Variants in HEPHL1 observed in about 807,000 individuals in gnomAD.
HEPHL1 encodes the protein ferroxidase HEPHL1.
A neutral mutation model predicts 122.0 loss-of-function variants in HEPHL1; 123 were observed. The ratio of observed to expected loss-of-function variants is 1.01; its 90% confidence interval spans 0.87 to 1.17. The LOEUF (loss-of-function observed/expected upper bound fraction) is 1.17. HEPHL1 is among the 50% of genes most tolerant of loss of function. The pLI, the probability that HEPHL1 is intolerant of heterozygous loss-of-function variation, is 0.00. For synonymous variants in HEPHL1, 527 were observed against 508.9 expected (o/e 1.04, Z -0.48); for missense variants, 1,452 against 1,430.5 (o/e 1.01, Z -0.24).
At chr11:94,066,756 C>G (rs1407226147) in intron 4 of HEPHL1, among the ~76,000 whole-genome samples, 1 of 152,266 alleles carries the variant, frequency 6.6e-6, no homozygotes, top group East Asian at 1.9e-4. Context: ...GCTTTTAACT[C>G]AGTTCGAACT....
intron 2 of HEPHL1, among the ~76,000 whole-genome samples, chr11:94,060,386 A>G (rs1407452587): frequency 6.6e-6 from 1 of 151,966 alleles, no homozygotes; most frequent in Non-Finnish European, 1.5e-5. Flanking sequence ...ATATACACAC[A>G]TATAATTAAA....
chr11:94,049,129 C>CA (rs35825154), intron 2 of HEPHL1, among the ~76,000 whole-genome samples: 12 of 151,380 alleles, frequency 7.9e-5, no homozygotes, highest in African/African-American at 2.9e-4. Flanking sequence ...TCAAAAGAAA[C>CA]AAAAAAAAAC....
rs1309925404 is a variant in HEPHL1 at position 94,111,960 on chromosome 11, G to C, written c.*66G>C. ...AGCTGGCCAGATGGCAGCCAACAGGGAAACTGGACCAAGGCATCACTCACC... is the reference window on the plus strand; with the variant it reads ...AGCTGGCCAGATGGCAGCCAACAGGCAAACTGGACCAAGGCATCACTCACC... On this transcript the variant is annotated 3_prime_UTR_variant, in exon 20 of 20. Transcript: ENST00000315765. 8.3e-7 allele frequency: 1 copy of C among 1,202,470 alleles called. No homozygotes were observed. The highest frequency in any genetic ancestry group is 1.5e-5 in the African/African-American group (1 of 65,596). 74.5% of individuals were successfully genotyped at this position (1,202,470 alleles called of 1,614,324 possible).
At chr11:94,052,945 G>A (rs528976114) in intron 2 of HEPHL1, among the ~76,000 whole-genome samples, 2 of 152,130 alleles carry the variant, frequency 1.3e-5, no homozygotes, top group East Asian at 1.9e-4. Flanking sequence ...TTCTTGTGAT[G>A]TTTGTATCTG....
chr11:94,037,876 T>C (rs1184327077), intron 1 of HEPHL1, among the ~76,000 whole-genome samples: 1 of 151,898 alleles, frequency 6.6e-6, no homozygotes, highest in Non-Finnish European at 1.5e-5. Context: ...TGGAGAATGA[T>C]TTTGCCGAGC....
chr11:94,109,317 C>A (rs975732343), intron 17 of HEPHL1, among the ~76,000 whole-genome samples: 14 of 152,212 alleles, frequency 9.2e-5, no homozygotes, highest in Middle Eastern at 3.4e-3. Flanking sequence ...GACATGGCTT[C>A]ATTTATTTTC....
At chr11:94,080,982 A>G (rs1403712674) in intron 9 of HEPHL1, among the ~76,000 whole-genome samples, 4 of 152,252 alleles carry the variant, frequency 2.6e-5, no homozygotes, top group Non-Finnish European at 4.4e-5. Flanking sequence ...TCACAAAGAT[A>G]CATGCATGTA....
intron 17 of HEPHL1, among the ~76,000 whole-genome samples, chr11:94,110,121 T>C (rs1946436954): frequency 6.6e-6 from 1 of 152,238 alleles, no homozygotes; most frequent in African/African-American, 2.4e-5. Flanking sequence ...GAGGTGTTTG[T>C]CCAGTATTTC....
chr11:94,108,801 A>G (rs748425645), intron 17 of HEPHL1, among the ~76,000 whole-genome samples: 8 of 152,084 alleles, frequency 5.3e-5, no homozygotes, highest in Admixed American at 1.3e-4. Flanking sequence ...TTACTTTAGT[A>G]TTATAGTAAG....
chr11:94,105,538 C>T (rs1418479766), intron 16 of HEPHL1, among the ~76,000 whole-genome samples: 1 of 151,094 alleles, frequency 6.6e-6, no homozygotes, highest in South Asian at 2.1e-4. Flanking sequence ...CCGTGTGAAG[C>T]TCTCTTTTAT....
At chr11:94,038,150 T>G (rs1418812719) in intron 1 of HEPHL1, among the ~76,000 whole-genome samples, 1 of 150,404 alleles carries the variant, frequency 6.6e-6, no homozygotes, top group Non-Finnish European at 1.5e-5. Context: ...TGAAATGAAG[T>G]GAGAAGGGAA....
rs534495822 is a variant in HEPHL1 at position 94,089,452 on chromosome 11, A to T, written c.2294+484A>T. 3.1e-4 allele frequency among the ~76,000 whole-genome samples: 47 copies of T among 152,276 alleles called. 1 individual carries two copies. The highest frequency in any genetic ancestry group is 3.1e-3 in the Admixed American group (47 of 15,294). On this transcript the variant is annotated intron_variant, in intron 12 of 19. Transcript: ENST00000315765. ...CCATTGCCTTGTAAGAGACTCCGGG[A>T]TCGGGGTAGGAAGAACAGGTTTCTC...
chr11:94,093,971 G>GATAGATAGATAGATATATATAT (rs71036310), intron 13 of HEPHL1, among the ~76,000 whole-genome samples: 5 of 72,740 alleles, frequency 6.9e-5, no homozygotes, highest in Non-Finnish European at 1.1e-4. Flanking sequence ...TCCTCCAGCA[G>GATAGATAGATAGATATATATAT]ATATATATAT....
chr11:94,048,687 T>G (rs1262363933), intron 2 of HEPHL1, among the ~76,000 whole-genome samples: 1 of 152,106 alleles, frequency 6.6e-6, no homozygotes, highest in African/African-American at 2.4e-5. Context: ...GAACCCACTT[T>G]TAAGAGGTTC....
intron 2 of HEPHL1, among the ~76,000 whole-genome samples, chr11:94,062,087 C>T (rs1320367282): frequency 6.6e-6 from 1 of 151,856 alleles, no homozygotes; most frequent in Non-Finnish European, 1.5e-5. Context: ...GGCTCATATT[C>T]TTTTTAGAAT....
At chr11:94,108,790 A>T (rs1276873070) in intron 17 of HEPHL1, among the ~76,000 whole-genome samples, 1 of 151,988 alleles carries the variant, frequency 6.6e-6, no homozygotes. Context: ...CAATGTTTTG[A>T]TTACTTTAGT....
intron 11 of HEPHL1, among the ~76,000 whole-genome samples, chr11:94,086,431 G>A (rs1201771578): frequency 6.6e-6 from 1 of 152,190 alleles, no homozygotes; most frequent in Non-Finnish European, 1.5e-5. Context: ...AAAGTCTTTG[G>A]TGCATAAATC....
chr11:94,097,025 C>T (rs1333896863), intron 13 of HEPHL1, among the ~76,000 whole-genome samples: 4 of 152,156 alleles, frequency 2.6e-5, no homozygotes, highest in Admixed American at 6.5e-5. Context: ...TCCTTCAGTT[C>T]TGCTCTGATC....
chr11:94,034,375 G>C (rs933175108), intron 1 of HEPHL1, among the ~76,000 whole-genome samples: 1 of 152,222 alleles, frequency 6.6e-6, no homozygotes, highest in Non-Finnish European at 1.5e-5. Flanking sequence ...TATTAAGACT[G>C]CTTAGGAGCT....
Sources: allele counts gnomAD v4.1 joint callset (sites outside exome capture counted in the v4.1 genomes callset), GRCh38; gene constraint gnomAD v4.1.1; transcripts MANE v1.5; gene names NCBI Gene and HGNC (gene_info 2026-07-23, HGNC 2026-07-21).